The following RAB38 variants were observed in gnomAD, a reference collection of about 807,000 sequenced individuals.
RAB38 encodes the protein RAB38, member RAS oncogene family.
RAB38 carries 15 observed loss-of-function variants against 18.4 expected under a neutral mutation model. The ratio of observed to expected loss-of-function variants is 0.82; its 90% confidence interval spans 0.55 to 1.26. The LOEUF (loss-of-function observed/expected upper bound fraction) is 1.26. Among genes scored for constraint, RAB38 ranks in the 50% most tolerant of loss-of-function variants. The pLI is 0.00. For synonymous variants in RAB38, 101 were observed against 104.4 expected, an observed-to-expected ratio of 0.97 and a Z score of 0.20; for missense variants, 294 against 267.4, an observed-to-expected ratio of 1.10 and a Z score of -0.69.
the RAB38 span, among the ~76,000 whole-genome samples, chr11:87,821,759 G>A: frequency 6.6e-6 from 1 of 151,652 alleles, no homozygotes; most frequent in Non-Finnish European, 1.5e-5. Flanking sequence ...ACTAAGGCAG[G>A]AGAATCGCTT....
chr11:88,144,975 G>A (rs768795488), intron 2 of RAB38, among the ~76,000 whole-genome samples: 2 of 152,126 alleles, frequency 1.3e-5, no homozygotes, highest in Admixed American at 6.5e-5. Context: ...AAAGAGCTAA[G>A]GTACAGAAAC....
At chr11:87,947,329 T>A in the RAB38 span, among the ~76,000 whole-genome samples, 1 of 152,152 alleles carries the variant, frequency 6.6e-6, no homozygotes. Flanking sequence ...TTTCTCCCAT[T>A]CTGTAGGCTG....
chr11:87,882,989 A>T, the RAB38 span, among the ~76,000 whole-genome samples: 1 of 151,884 alleles, frequency 6.6e-6, no homozygotes, highest in African/African-American at 2.4e-5. Flanking sequence ...GGATTCATTG[A>T]ATTTTCACTG....
At chr11:87,973,874 C>T in the RAB38 span, among the ~76,000 whole-genome samples, 3 of 152,040 alleles carry the variant, frequency 2.0e-5, no homozygotes, top group Admixed American at 6.6e-5. Flanking sequence ...GAAGGCTCCA[C>T]ATTAAGAGTC....
chr11:88,110,938 C>T (rs1016401163), downstream of RAB38, among the ~76,000 whole-genome samples: 7 of 151,864 alleles, frequency 4.6e-5, no homozygotes, highest in Non-Finnish European at 7.4e-5. Context: ...GCCAGAAGTT[C>T]GAGACCAGGA....
downstream of RAB38, among the ~76,000 whole-genome samples, chr11:88,109,551 C>T (rs990573127): frequency 6.6e-5 from 10 of 152,130 alleles, no homozygotes; most frequent in African/African-American, 1.9e-4. Context: ...AGCTTCTGCA[C>T]AGCAAAAGAA....
the RAB38 span, among the ~76,000 whole-genome samples, chr11:87,853,052 T>C: frequency 6.6e-6 from 1 of 152,168 alleles, no homozygotes; most frequent in Non-Finnish European, 1.5e-5. Flanking sequence ...CTGAATCCTA[T>C]TATAAATTAT....
the RAB38 span, among the ~76,000 whole-genome samples, chr11:87,965,118 A>C: frequency 6.6e-6 from 1 of 152,272 alleles, no homozygotes; most frequent in Middle Eastern, 3.4e-3. Flanking sequence ...TTGTAACCAA[A>C]AATGTCTCCA....
At chr11:87,808,935 T>A in the RAB38 span, among the ~76,000 whole-genome samples, 1 of 152,116 alleles carries the variant, frequency 6.6e-6, no homozygotes, top group Non-Finnish European at 1.5e-5. Context: ...ACATGCATGT[T>A]AAAAAGTAAC....
the RAB38 span, among the ~76,000 whole-genome samples, chr11:87,861,197 T>C: frequency 6.6e-6 from 1 of 151,902 alleles, no homozygotes; most frequent in Non-Finnish European, 1.5e-5. Flanking sequence ...CATGCCCTAA[T>C]TGAAGAAGAT....
chr11:88,129,395 CTT>C (rs2134792505), intron 2 of RAB38, among the ~76,000 whole-genome samples: 1 of 152,248 alleles, frequency 6.6e-6, no homozygotes, highest in East Asian at 1.9e-4. Flanking sequence ...AATCCCAACA[CTT>C]TGGGAGGCTG....
At chr11:87,858,653 T>G in the RAB38 span, among the ~76,000 whole-genome samples, 1 of 152,050 alleles carries the variant, frequency 6.6e-6, no homozygotes, top group African/African-American at 2.4e-5. Flanking sequence ...AAATGAAATA[T>G]AAAATATTTA....
At chr11:88,086,650 C>T in the RAB38 span, among the ~76,000 whole-genome samples, 1 of 151,788 alleles carries the variant, frequency 6.6e-6, no homozygotes. Flanking sequence ...TGTTTGAACT[C>T]CCTCAACACA....
chr11:87,823,750 T>A, the RAB38 span, among the ~76,000 whole-genome samples: 5 of 152,098 alleles, frequency 3.3e-5, no homozygotes, highest in East Asian at 9.7e-4. Context: ...ACCCAAATGC[T>A]CATCAATAGA....
At chr11:87,873,922 G>GTATATATATATATATATA in the RAB38 span, among the ~76,000 whole-genome samples, 223 of 103,066 alleles carry the variant, frequency 2.2e-3, 1 homozygote, top group African/African-American at 4.7e-3. Flanking sequence ...GTGTGTGTGT[G>GTATATATATATATATATA]TATATATATA....
chr11:87,820,566 A>G, the RAB38 span, among the ~76,000 whole-genome samples: 48 of 152,310 alleles, frequency 3.2e-4, no homozygotes, highest in South Asian at 9.7e-3. Flanking sequence ...TCAAAGGCAA[A>G]TCAAACTCGG....
At chr11:87,806,512 T>C in the RAB38 span, among the ~76,000 whole-genome samples, 1 of 152,192 alleles carries the variant, frequency 6.6e-6, no homozygotes, top group Non-Finnish European at 1.5e-5. Context: ...AATATCTGGT[T>C]CAACATATGA....
At chr11:88,058,736 C>T in the RAB38 span, among the ~76,000 whole-genome samples, 3 of 152,066 alleles carry the variant, frequency 2.0e-5, no homozygotes, top group Admixed American at 2.0e-4. Context: ...TATATTAAAC[C>T]TTATCCTCTG....
At chr11:88,082,881 A>G in the RAB38 span, among the ~76,000 whole-genome samples, 1 of 151,818 alleles carries the variant, frequency 6.6e-6, no homozygotes, top group African/African-American at 2.4e-5. Flanking sequence ...TTCTGTGCAA[A>G]AGCCTCCAAT....
Sources: gnomAD v4.1 joint callset for allele counts (sites outside exome capture counted in the v4.1 genomes callset) on GRCh38, gnomAD v4.1.1 for gene constraint, MANE v1.5 for transcripts, NCBI Gene and HGNC (gene_info 2026-07-23, HGNC 2026-07-21) for gene names.